SLC4A5: variants seen among roughly 807,000 people sequenced by gnomAD.
The protein encoded by SLC4A5 is electrogenic sodium bicarbonate cotransporter 4.
Under a neutral mutation model 120.4 loss-of-function variants are expected in SLC4A5, and 96 were observed. That is an observed-to-expected ratio of 0.80 (90% CI 0.68 to 0.94). The LOEUF (loss-of-function observed/expected upper bound fraction) is 0.94, where lower values mean the gene tolerates loss of function less well. SLC4A5 is among the 40% of genes least tolerant of loss of function. The pLI is 0.00. For synonymous variants in SLC4A5, 550 were observed against 571.1 expected, an observed-to-expected ratio of 0.96 and a Z score of 0.53; for missense variants, 1,259 against 1,459.5, an observed-to-expected ratio of 0.86 and a Z score of 2.24.
chr2:74,293,092 T>A (rs529680740), intron 7 of SLC4A5, among the ~76,000 whole-genome samples: 1 of 151,808 alleles, frequency 6.6e-6, no homozygotes, highest in South Asian at 2.1e-4. Flanking sequence ...GATGGGGGGA[T>A]TCGGGTGACT....
chr2:74,231,275 G>C, exon 25 of SLC4A5: 2 of 1,612,674 alleles, frequency 1.2e-6, no homozygotes, highest in South Asian at 2.2e-5. Context: ...TTCCCGTCAG[G>C]ATGAAGACGA....
chr2:74,326,495 G>A (rs551338242), intron 5 of SLC4A5, among the ~76,000 whole-genome samples: 3 of 152,188 alleles, frequency 2.0e-5, no homozygotes, highest in South Asian at 4.2e-4. Context: ...ATCACATCTG[G>A]GATCCCTGAG....
At chr2:74,273,360 A>C (rs1048502403) in intron 8 of SLC4A5, among the ~76,000 whole-genome samples, 4 of 152,220 alleles carry the variant, frequency 2.6e-5, no homozygotes, top group African/African-American at 9.6e-5. Flanking sequence ...TGTAACCTTT[A>C]ATGCTAAGGC....
At position 74,255,888 on chromosome 2, in the gene SLC4A5, C is replaced by T. The variant is rs376049982; in HGVS notation, c.912G>A (p.Ala304=). 25 of 1,614,032 alleles carry T rather than the reference C, an allele frequency of 1.5e-5. No individual in the cohort carries two copies. Among genetic ancestry groups the T allele is most frequent in the Non-Finnish European group, 1.9e-5 (22 of 1,180,030 alleles). Residue 304 remains alanine, a synonymous_variant, in exon 13 of 31, where the codon GCG becomes GCA. Transcript: ENST00000394019. This position sits in a 1 kb window ranked among gnomAD's most constrained non-coding sequence, Gnocchi z 4.0. ...CCACCTCGCCCACGAGCACGTTGGA[C>T]GCTTCTGAGTCCTTGGGGATCTTCT...
intron 20 of SLC4A5, among the ~76,000 whole-genome samples, chr2:74,241,504 G>T (rs1449430815): frequency 2.6e-5 from 4 of 151,904 alleles, no homozygotes; most frequent in Admixed American, 2.6e-4. Flanking sequence ...ACTTTGGGAG[G>T]CCGAGGCCGG....
At chr2:74,289,388 C>T (rs1223685810) in intron 7 of SLC4A5, among the ~76,000 whole-genome samples, 1 of 152,004 alleles carries the variant, frequency 6.6e-6, no homozygotes, top group Non-Finnish European at 1.5e-5. Context: ...ACAATCTTGG[C>T]TCACTGCAAC....
At chr2:74,324,550 C>T (rs1441193540) in intron 5 of SLC4A5, among the ~76,000 whole-genome samples, 2 of 152,174 alleles carry the variant, frequency 1.3e-5, no homozygotes, top group African/African-American at 4.8e-5. Flanking sequence ...CCAGGGACCA[C>T]ATTTAAAACC....
At chr2:74,313,324 C>T (rs1672865843) in intron 6 of SLC4A5, among the ~76,000 whole-genome samples, 1 of 152,222 alleles carries the variant, frequency 6.6e-6, no homozygotes, top group South Asian at 2.1e-4. Flanking sequence ...TGTCCACTTT[C>T]AAATAACGCT....
At chr2:74,268,177 A>T (rs1407374563) in intron 8 of SLC4A5, among the ~76,000 whole-genome samples, 1 of 152,208 alleles carries the variant, frequency 6.6e-6, no homozygotes, top group Non-Finnish European at 1.5e-5. Context: ...CACTCTGTTA[A>T]TGTTAGCTAT....
chr2:74,334,554 A>G (rs748930360), intron 3 of SLC4A5, among the ~76,000 whole-genome samples: 1 of 152,180 alleles, frequency 6.6e-6, no homozygotes, highest in Non-Finnish European at 1.5e-5. Flanking sequence ...TCTAAATGGC[A>G]TTTCTATCCA....
chr2:74,254,483 T>C (rs1306643790), intron 14 of SLC4A5, 136 bp downstream of exon 14: 7 of 698,726 alleles, frequency 1.0e-5, no homozygotes. Context: ...ATTCTCATAA[T>C]CTTTAGCATC....
At chr2:74,330,828 TA>T in intron 4 of SLC4A5, among the ~76,000 whole-genome samples, 1 of 139,288 alleles carries the variant, frequency 7.2e-6, no homozygotes, top group African/African-American at 2.7e-5. Context: ...CGGTGAGGTC[TA>T]GATGGAGGTG....
chr2:74,221,064 C>T (rs893112977), intron 30 of SLC4A5, among the ~76,000 whole-genome samples: 38 of 152,092 alleles, frequency 2.5e-4, no homozygotes, highest in Non-Finnish European at 4.1e-4. Context: ...AGGATGGTCT[C>T]GATCTCCTGA....
At chr2:74,288,943 C>T (rs1277728778) in intron 7 of SLC4A5, among the ~76,000 whole-genome samples, 3 of 152,206 alleles carry the variant, frequency 2.0e-5, no homozygotes, top group Admixed American at 2.0e-4. Flanking sequence ...TTTCACAATT[C>T]ATGTCCAACT....
rs1670917520 is a variant in SLC4A5, at chr2:74,255,026, G to T, written c.1026-320C>A. Among the ~76,000 whole-genome samples, 1 of 152,026 alleles carries T rather than the reference G, an allele frequency of 6.6e-6. No individual in the cohort carries two copies. Among genetic ancestry groups the T allele is most frequent in the African/African-American group, 2.4e-5 (1 of 41,404 alleles). ...AGTAGATACAGGGTTTCACCATGCT[G>T]CCCAGGCTGGTCTCCAACTCCTGGG... On this transcript the variant is annotated intron_variant, in intron 13 of 30. Coordinates refer to ENST00000394019, the Ensembl canonical transcript of SLC4A5. This position sits in a 1 kb window ranked among gnomAD's most constrained non-coding sequence, Gnocchi z 4.0.
Position 74,290,754 on chromosome 2 carries a change from G to C in SLC4A5, c.272-4852C>G, listed in dbSNP as rs567570817. ...GCAGCAGAACCTCAAGCAGGAAGCC[G>C]GGTCTCCACAGCAGCAGGGGTGGTG... On this transcript the variant is annotated intron_variant, in intron 7 of 30. Coordinates refer to ENST00000394019, the Ensembl canonical transcript of SLC4A5. 6 of 986,072 alleles carry C rather than the reference G, an allele frequency of 6.1e-6. No individual in the cohort carries two copies. In the African/African-American group the frequency reaches 1.0e-4, roughly 17 times the overall value. 61.1% of individuals were successfully genotyped at this position (986,072 alleles called of 1,614,324 possible).
rs1672668458 is a variant in SLC4A5, at chr2:74,307,138, T to C, written c.80-2458A>G. The C allele has an allele frequency of 1.4e-5, 8 of 555,418 alleles. No homozygotes were observed. In the Admixed American group the frequency reaches 1.8e-4, roughly 13 times the overall value. 34.4% of individuals were successfully genotyped at this position (555,418 alleles called of 1,614,324 possible). A position where few individuals can be genotyped will look rare whatever the true frequency, so the allele number is the denominator to read the frequency against. On this transcript the variant is annotated intron_variant, in intron 6 of 30. Transcript: ENST00000394019. ...GTACGTCTCAGTTTCATGAGCATCA[T>C]CTCAGCAGCTCCAACCTTGGCAGAC...
chr2:74,306,586 G>T, intron 6 of SLC4A5: 1 of 310,294 alleles, frequency 3.2e-6, no homozygotes, highest in Non-Finnish European at 6.2e-6. Context: ...TTTCATATTG[G>T]CTCTTTCAAC....
intron 15 of SLC4A5, among the ~76,000 whole-genome samples, 164 bp from the exon 16 acceptor site, chr2:74,252,552 T>C (rs1670827214): frequency 6.6e-6 from 1 of 152,222 alleles, no homozygotes; most frequent in African/African-American, 2.4e-5. Context: ...CATTTAGCCA[T>C]ATTTGTTTCT....
Sources: gnomAD v4.1 joint callset for allele counts (sites outside exome capture counted in the v4.1 genomes callset) on GRCh38, gnomAD v4.1.1 for gene constraint, Gnocchi (gnomAD v3.1) non-coding constraint, MANE v1.5 for transcripts, NCBI Gene and HGNC (gene_info 2026-07-23, HGNC 2026-07-21) for gene names.